The following MTMR8 variants were observed in gnomAD, a reference collection of about 807,000 sequenced individuals.
MTMR8 encodes the protein phosphatidylinositol-3,5-bisphosphate 3-phosphatase MTMR8.
Under a neutral mutation model 39.3 loss-of-function variants are expected in MTMR8, and 65 were observed. The ratio of observed to expected loss-of-function variants is 1.65; its 90% CI spans 1.35 to 2.03. The LOEUF (loss-of-function observed/expected upper bound fraction) is 2.03, where lower values mean the gene tolerates loss of function less well. MTMR8 is among the 30% of genes most tolerant of loss of function. MTMR8 has a pLI of 0.00. For synonymous variants in MTMR8, 245 were observed against 185.2 expected (o/e 1.32, Z -2.62); for missense variants, 777 against 538.9 (o/e 1.44, Z -4.37).
At chrX:64,356,114 T>C in intron 3 of MTMR8, 62 bp downstream of exon 3, 1 of 1,099,825 alleles carries the variant, frequency 9.1e-7, no homozygotes, top group Non-Finnish European at 1.2e-6. Flanking sequence ...CCCTGATCTT[T>C]CCATTATGCC....
At position 64,356,274 on chromosome X, in the gene MTMR8, G is replaced by T. The variant is rs1923621311; in HGVS notation, c.212C>A (p.Thr71Asn). The T allele has an allele frequency of 8.3e-7, 1 of 1,208,165 alleles. No individual in the cohort carries two copies. Among genetic ancestry groups the T allele is most frequent in the African/African-American group, 1.8e-5 (1 of 57,045 alleles). ...LPITSLGCPLTLRCKNFRVAH... is the reference protein window; with the variant it reads ...LPITSLGCPLNLRCKNFRVAH... ...CACCCGGAAATTCTTGCAGCGGAGG[G>T]TCAGGGGACAACCCAGGCTAGTGAT... Residue 71 changes from threonine (T) to asparagine (N), a missense_variant, in exon 3 of 14, where the codon ACC becomes AAC. Thr to Asn is a moderately conservative substitution (Grantham distance 65). Coordinates refer to ENST00000374852, the MANE Select transcript of MTMR8 (RefSeq NM_017677.4).
chrX:64,308,243 G>A (rs183365894), intron 12 of MTMR8, among the ~76,000 whole-genome samples: 4 of 108,400 alleles, frequency 3.7e-5, no homozygotes, highest in South Asian at 3.9e-4. Flanking sequence ...TATTTTTTGA[G>A]ACAGAGTCTC....
At chrX:64,345,252 C>A in intron 6 of MTMR8, 75 bp from the exon 7 acceptor site, 2 of 1,011,228 alleles carry the variant, frequency 2.0e-6, no homozygotes, top group Non-Finnish European at 2.7e-6. Flanking sequence ...CTCAATGCCT[C>A]ATTCTGAACC....
intron 12 of MTMR8, chrX:64,305,259 T>C: frequency 5.7e-6 from 1 of 175,090 alleles, no homozygotes; most frequent in South Asian, 1.0e-4. Context: ...TAAGATTGGC[T>C]ATGGATTCTG....
Position 64,269,168 on chromosome X carries a change from A to G in MTMR8, c.1609-125T>C, listed in dbSNP as rs958582083. The G allele has an allele frequency of 1.6e-5, 10 of 636,850 alleles. No individual in the cohort carries two copies. In the African/African-American group the frequency reaches 2.0e-4, roughly 13 times the overall value. 52.5% of individuals were successfully genotyped at this position (636,850 alleles called of 1,213,427 possible). A position where few individuals can be genotyped will look rare whatever the true frequency, so the allele number is the denominator to read the frequency against. On this transcript the variant is annotated intron_variant, in intron 13 of 13. Coordinates refer to ENST00000374852, the MANE Select transcript of MTMR8 (RefSeq NM_017677.4). ...AATGGTAGCAAATGACCTTTTGCTC[A>G]CCCCCTCCCCCACAACATCTTTCCC...
At chrX:64,362,677 T>C (rs1923825355) in intron 1 of MTMR8, among the ~76,000 whole-genome samples, 1 of 109,400 alleles carries the variant, frequency 9.1e-6, no homozygotes, top group Admixed American at 9.8e-5. Flanking sequence ...TATCCTTACC[T>C]AACACCATAT....
chrX:64,288,163 A>G (rs983983196), intron 12 of MTMR8, among the ~76,000 whole-genome samples: 1 of 109,720 alleles, frequency 9.1e-6, no homozygotes, highest in Non-Finnish European at 1.9e-5. Flanking sequence ...ATTTACAAGA[A>G]AAAACGAACA....
intron 1 of MTMR8, among the ~76,000 whole-genome samples, chrX:64,363,130 G>T (rs866905463): frequency 2.7e-5 from 3 of 111,707 alleles, no homozygotes; most frequent in African/African-American, 6.5e-5. Flanking sequence ...CAACCAGGGG[G>T]TTACAGATAC....
At chrX:64,326,114 TATTA>T (rs1323902234) in intron 12 of MTMR8, among the ~76,000 whole-genome samples, 1 of 111,874 alleles carries the variant, frequency 8.9e-6, no homozygotes, top group Non-Finnish European at 1.9e-5. Flanking sequence ...ATACATCTAC[TATTA>T]ATTAAGGGGA....
At chrX:64,383,757 C>CT (rs781635449) in intron 1 of MTMR8, among the ~76,000 whole-genome samples, 40 of 111,163 alleles carry the variant, frequency 3.6e-4, no homozygotes, top group Non-Finnish European at 7.0e-4. Context: ...CAATCACCTC[C>CT]TACCAGTTCC....
chrX:64,377,770 G>T (rs911030381), intron 1 of MTMR8, among the ~76,000 whole-genome samples: 1 of 111,904 alleles, frequency 8.9e-6, no homozygotes, highest in African/African-American at 3.3e-5. Flanking sequence ...ATGTGAGAAG[G>T]ACATAAGATT....
chrX:64,368,987 C>A (rs758903645), intron 1 of MTMR8, among the ~76,000 whole-genome samples: 2 of 112,604 alleles, frequency 1.8e-5, no homozygotes, highest in South Asian at 7.3e-4. Context: ...GACATTTATG[C>A]AGTCTAAAGA....
chrX:64,351,827 C>T (rs1161885311), intron 4 of MTMR8, among the ~76,000 whole-genome samples: 1 of 111,093 alleles, frequency 9.0e-6, no homozygotes, highest in Non-Finnish European at 1.9e-5. Flanking sequence ...GCTCATTCCA[C>T]CTTCTTCTGC....
chrX:64,268,913 T>C lies in MTMR8; in HGVS notation c.1739A>G (p.Asn580Ser). 1.7e-6 allele frequency: 2 copies of C among 1,211,795 alleles called. No individual in the cohort carries two copies. Among genetic ancestry groups the C allele is most frequent in the Non-Finnish European group, 2.2e-6 (2 of 895,534 alleles). ...TAGGGTGCCATTCTCCATCAGGGTATTCAGGTCTCCATTGATACCCATAAA... is the reference window on the plus strand; with the variant it reads ...TAGGGTGCCATTCTCCATCAGGGTACTCAGGTCTCCATTGATACCCATAAA... ...LGFMGINGDL[N>S]TLMENGTLSR... is the part of the protein sequence containing the mutation. The change falls in exon 14 of 14, where the codon AAT becomes AGT. Residue 580 changes from asparagine to serine, a missense_variant. Physicochemically the swap from Asn to Ser is conservative, Grantham distance 46 (BLOSUM62 1). Transcript: ENST00000374852.
intron 1 of MTMR8, among the ~76,000 whole-genome samples, chrX:64,364,304 T>A (rs1357736829): frequency 8.9e-6 from 1 of 112,361 alleles, no homozygotes; most frequent in African/African-American, 3.2e-5. Flanking sequence ...TCCTGACCAC[T>A]GTGTAGCCTA....
At chrX:64,311,188 C>T (rs984044532) in intron 12 of MTMR8, among the ~76,000 whole-genome samples, 7 of 111,558 alleles carry the variant, frequency 6.3e-5, no homozygotes, top group African/African-American at 2.3e-4. Flanking sequence ...TTAATGTTCG[C>T]CATTCTAATT....
intron 12 of MTMR8, among the ~76,000 whole-genome samples, chrX:64,300,481 A>T (rs1361013396): frequency 9.1e-6 from 1 of 110,282 alleles, no homozygotes; most frequent in Non-Finnish European, 1.9e-5. Flanking sequence ...TCTGCACATG[A>T]GATGGGTTTC....
At chrX:64,368,876 T>C (rs1924051126) in intron 1 of MTMR8, among the ~76,000 whole-genome samples, 1 of 112,271 alleles carries the variant, frequency 8.9e-6, no homozygotes, top group East Asian at 2.8e-4. Flanking sequence ...AAAGGGCTAA[T>C]ATCCAGAATC....
intron 8 of MTMR8, among the ~76,000 whole-genome samples, chrX:64,339,551 G>C (rs1277270446): frequency 9.0e-6 from 1 of 111,430 alleles, no homozygotes; most frequent in East Asian, 2.8e-4. Flanking sequence ...TTCAGAAGGC[G>C]CCAACCAAGA....
Sources: allele counts gnomAD v4.1 joint callset (sites outside exome capture counted in the v4.1 genomes callset), GRCh38; gene constraint gnomAD v4.1.1; transcripts MANE v1.5; gene names NCBI Gene and HGNC (gene_info 2026-07-23, HGNC 2026-07-21).